Variants in CRTAP observed in about 807,000 individuals in gnomAD.
CRTAP encodes the protein cartilage-associated protein.
CRTAP carries 33 observed loss-of-function variants against 42.7 expected under a neutral mutation model. The observed-to-expected ratio is 0.77, with a 90% CI of 0.59 to 1.03. The LOEUF is 1.03. Ranked by LOEUF, CRTAP falls within the 50% of genes least tolerant of loss-of-function variation. The pLI, the probability that CRTAP is intolerant of heterozygous loss-of-function variation, is 0.00. For synonymous variants in CRTAP, 243 were observed against 217.7 expected, an observed-to-expected ratio of 1.12 and a Z score of -1.02; for missense variants, 613 against 533.9, an observed-to-expected ratio of 1.15 and a Z score of -1.46.
intron 2 of CRTAP, 95 bp from the exon 3 acceptor site, chr3:33,124,313 C>A: frequency 6.9e-7 from 1 of 1,441,150 alleles, no homozygotes; most frequent in Non-Finnish European, 9.7e-7. Context: ...CTAATGAGAG[C>A]TAGCTTGGTG....
chr3:33,132,613 T>C lies in CRTAP; in HGVS notation c.981T>C (p.Asn327=), dbSNP rs1481712169. 1.2e-6 allele frequency: 2 copies of C among 1,614,182 alleles called. No homozygotes were observed. Among genetic ancestry groups the C allele is most frequent in the South Asian group, 1.1e-5 (1 of 91,080 alleles). ...CAVSYLLFDQ[N]DKVMQQNLVY... Reference sequence around the variant, plus strand: ...TCAGCTATCTGCTCTTTGATCAGAATGACAAGGTCATGCAGCAGAACCTGG... The same window carrying C: ...TCAGCTATCTGCTCTTTGATCAGAACGACAAGGTCATGCAGCAGAACCTGG... The change falls in exon 5 of 7, where the codon AAT becomes AAC. Residue 327 remains asparagine (N), a synonymous_variant. Coordinates refer to ENST00000320954, the MANE Select transcript of CRTAP (RefSeq NM_006371.5).
chr3:33,136,370 A>C (rs576771024), intron 6 of CRTAP, among the ~76,000 whole-genome samples: 38 of 152,300 alleles, frequency 2.5e-4, no homozygotes, highest in African/African-American at 7.0e-4. Context: ...TTTGTGTACA[A>C]ATTTTTGTTT....
chr3:33,115,403 A>G (rs1701331522), intron 1 of CRTAP: 1 of 152,138 alleles, frequency 6.6e-6, no homozygotes, highest in Admixed American at 6.5e-5. Context: ...AACACAGTTC[A>G]CTGCCTCCTT....
chr3:33,147,663 T>C lies in CRTAP; in HGVS notation c.*5215T>C, dbSNP rs2030756599. On this transcript the variant is annotated 3_prime_UTR_variant, in exon 7 of 7. Transcript: ENST00000320954. ...GATGTCTTTTTCTGCCTCCCCTCTT[T>C]GGGTTAGTGTGGTATGTACAAGCTC... is the stretch of plus-strand genomic sequence containing the variant. 6.6e-6 allele frequency: 1 copy of C among 152,200 alleles called. No individual in the cohort carries two copies. Among genetic ancestry groups the C allele is most frequent in the South Asian group, 2.1e-4 (1 of 4,834 alleles). 9.4% of individuals were successfully genotyped at this position (152,200 alleles called of 1,614,324 possible). A position where few individuals can be genotyped will look rare whatever the true frequency, so the allele number is the denominator to read the frequency against.
chr3:33,124,577 C>T lies in CRTAP; in HGVS notation c.791C>T (p.Ala264Val). 1 of 1,614,192 alleles carries T rather than the reference C, an allele frequency of 6.2e-7. No individual in the cohort carries two copies. The highest frequency in any genetic ancestry group is 1.1e-5 in the South Asian group (1 of 91,082). ...KDFKDFYLSI[A>V]DHYVEVLECK... ...TTCAAGGATTTCTACCTTTCCATAG[C>T]AGGTTGGTGGTAGGTCAATAGGCTC... The change falls in exon 3 of 7, where the codon GCA (alanine) becomes GTA (valine). Residue 264 changes from alanine (A) to valine (V), a missense_variant and splice_region_variant. By Grantham distance (64) the Ala-to-Val change is moderately conservative. Transcript: ENST00000320954.
At chr3:33,128,109 T>G (rs2030133623) in intron 3 of CRTAP, among the ~76,000 whole-genome samples, 1 of 152,190 alleles carries the variant, frequency 6.6e-6, no homozygotes, top group African/African-American at 2.4e-5. Flanking sequence ...TTATTACTCT[T>G]TACCCCATTA....
chr3:33,125,997 G>A (rs1255725813), intron 3 of CRTAP, among the ~76,000 whole-genome samples: 2 of 152,048 alleles, frequency 1.3e-5, no homozygotes. Flanking sequence ...TATTATTTTA[G>A]CCATTGTTCA....
intron 2 of CRTAP, 76 bp from the exon 3 acceptor site, chr3:33,124,332 G>C (rs2029990193): frequency 6.3e-7 from 1 of 1,578,138 alleles, no homozygotes; most frequent in South Asian, 1.1e-5. Flanking sequence ...TGGTGGTCTT[G>C]GTTCCCTTTG....
Position 33,114,404 on chromosome 3 carries a change from C to G in CRTAP, c.327C>G (p.Phe109Leu). 6.5e-7 allele frequency: 1 copy of G among 1,540,532 alleles called. No individual in the cohort carries two copies. ...CCAGCTATCCCGAGCTGCGCCTCTT[C>G]GGGGGCCTGCTGCGCCGCGCGCACT... ...GLASYPELRL[F>L]GGLLRRAHCL... Residue 109 changes from phenylalanine to leucine, a missense_variant, in exon 1 of 7, where the codon TTC (phenylalanine) becomes TTG (leucine). Coordinates refer to ENST00000320954, the MANE Select transcript of CRTAP (RefSeq NM_006371.5).
intron 3 of CRTAP, among the ~76,000 whole-genome samples, 187 bp from the exon 4 acceptor site, chr3:33,129,752 G>A (rs1474074311): frequency 6.6e-6 from 1 of 151,870 alleles, no homozygotes; most frequent in Non-Finnish European, 1.5e-5. Flanking sequence ...TAACCAGGAT[G>A]GTCTCGATCC....
At chr3:33,133,557 A>C (rs930131451) in intron 5 of CRTAP, among the ~76,000 whole-genome samples, 1 of 152,084 alleles carries the variant, frequency 6.6e-6, no homozygotes, top group South Asian at 2.1e-4. Context: ...AGCCTGTGCC[A>C]TCTCTTTATC....
intron 3 of CRTAP, among the ~76,000 whole-genome samples, chr3:33,127,928 AG>A (rs1288086998): frequency 6.6e-6 from 1 of 151,780 alleles, no homozygotes; most frequent in Admixed American, 6.6e-5. Flanking sequence ...TTGTATTTTT[AG>A]TAGAGACAGC....
At chr3:33,128,821 T>A (rs1055232385) in intron 3 of CRTAP, among the ~76,000 whole-genome samples, 1 of 152,202 alleles carries the variant, frequency 6.6e-6, no homozygotes, top group African/African-American at 2.4e-5. Context: ...TGCTTCTAGC[T>A]GCATAAAGGG....
chr3:33,131,736 A>C (rs924331529), intron 4 of CRTAP, among the ~76,000 whole-genome samples: 2 of 152,128 alleles, frequency 1.3e-5, no homozygotes, highest in South Asian at 2.1e-4. Flanking sequence ...TTTATATTTG[A>C]AGAGTAAATG....
At position 33,125,588 on chromosome 3, in the gene CRTAP, C is replaced by T. The variant is rs1220605305; in HGVS notation, c.793+1009C>T. On this transcript the variant is annotated intron_variant, in intron 3 of 6. Coordinates refer to ENST00000320954, the MANE Select transcript of CRTAP (RefSeq NM_006371.5). ...AACAGAGAGAAGAGTAGATAAACCA[C>T]CATGTACCCATGACCCAACTTCACA... Among the ~76,000 whole-genome samples the T allele has an allele frequency of 2.8e-5, 4 of 145,078 alleles. No individual in the cohort carries two copies. The East Asian group carries it at 8.4e-4, about 31-fold the overall frequency.
At chr3:33,117,313 A>G (rs921721464) in intron 1 of CRTAP, among the ~76,000 whole-genome samples, 10 of 152,152 alleles carry the variant, frequency 6.6e-5, no homozygotes, top group African/African-American at 1.4e-4. Context: ...AAATGCCTCA[A>G]TTGATCACTG....
rs1132392 is a variant in CRTAP at position 33,145,933 on chromosome 3, G to A, written c.*3485G>A. 0.45 allele frequency: 68,679 copies of A among 151,840 alleles called. 17,701 individuals carry two copies. The highest frequency in any genetic ancestry group is 0.6 in the Non-Finnish European group (40,784 of 67,936). The allele number at this position is 151,840 out of a possible 1,614,324, so 9.4% of individuals were successfully genotyped here. ...CCCTAGTGATGTCCCCTGAGGACCCGGGTGATAGTACAGTCAATATTGTCA... is the reference window on the plus strand; with the variant it reads ...CCCTAGTGATGTCCCCTGAGGACCCAGGTGATAGTACAGTCAATATTGTCA... On this transcript the variant is annotated 3_prime_UTR_variant, in exon 7 of 7. Transcript: ENST00000320954. This position sits in a 1 kb window ranked among gnomAD's most constrained non-coding sequence, Gnocchi z 4.3.
Position 33,124,515 on chromosome 3 carries a change from TCTCGC to T in CRTAP, c.730_734del (p.Leu244SerfsTer33). On this transcript the variant is annotated frameshift_variant, in exon 3 of 7. Transcript: ENST00000320954. LOFTEE classifies it high-confidence loss of function. ...ACTTCTTCAAAGCCTTTTACGAGTG[TCTCGC>T]AGCCTGCGAGGGTTCCAGGGAGATC... is the stretch of plus-strand genomic sequence containing the variant. 1 of 1,614,166 alleles carries T rather than the reference TCTCGC, an allele frequency of 6.2e-7. No homozygotes were observed.
At chr3:33,115,924 A>T (rs1238113763) in intron 1 of CRTAP, among the ~76,000 whole-genome samples, 1 of 136,726 alleles carries the variant, frequency 7.3e-6, no homozygotes, top group Non-Finnish European at 1.5e-5. Flanking sequence ...TCTGGCAATT[A>T]AAAAAAAACA....
Sources: allele counts gnomAD v4.1 joint callset (sites outside exome capture counted in the v4.1 genomes callset), GRCh38; gene constraint gnomAD v4.1.1; non-coding constraint Gnocchi (gnomAD v3.1); transcripts MANE v1.5; gene names NCBI Gene and HGNC (gene_info 2026-07-23, HGNC 2026-07-21).